Variants in ALOXE3 observed in about 807,000 individuals in gnomAD.
ALOXE3 encodes hydroperoxide isomerase ALOXE3.
A neutral mutation model predicts 87.5 loss-of-function variants in ALOXE3; 78 were observed. The observed-to-expected ratio is 0.89, with a 90% CI of 0.74 to 1.08. The LOEUF (loss-of-function observed/expected upper bound fraction) is 1.08, where lower values mean the gene tolerates loss of function less well. ALOXE3 is among the 50% of genes least tolerant of loss of function. The pLI is 0.00. For missense variants in ALOXE3, 946 were observed against 912.4 expected, an observed-to-expected ratio of 1.04 and a Z score of -0.47; for synonymous variants, 363 against 370.8, an observed-to-expected ratio of 0.98 and a Z score of 0.24.
At chr17:8,118,408 A>C in intron 1 of ALOXE3, 78 bp downstream of exon 1, 1 of 1,551,018 alleles carries the variant, frequency 6.4e-7, no homozygotes, top group African/African-American at 1.4e-5. Flanking sequence ...GATGCCCTGG[A>C]GTGCTTGTCC....
chr17:8,103,241 C>T (rs1979033430), intron 15 of ALOXE3, 82 bp downstream of exon 15: 1 of 1,535,752 alleles, frequency 6.5e-7, no homozygotes, highest in African/African-American at 1.4e-5. Context: ...TCGATCAGTC[C>T]TCAAGCCCCC....
rs991123661 is a variant in ALOXE3 at position 8,096,575 on chromosome 17, G to T, written c.*52C>A. ...AGGGTCTGGAGGACCTGAGGAACTG[G>T]TCCTCCTCATGCTTGGACCTTTCTT... On this transcript the variant is annotated 3_prime_UTR_variant, in exon 16 of 16. Transcript: ENST00000448843. The T allele has an allele frequency of 3.6e-5, 32 of 877,274 alleles. No homozygotes were observed. The highest frequency in any genetic ancestry group is 5.7e-5 in the Non-Finnish European group (29 of 506,896). The allele number at this position is 877,274 out of a possible 1,614,324, so 54.3% of individuals were successfully genotyped here. A position where few individuals can be genotyped will look rare whatever the true frequency, so the allele number is the denominator to read the frequency against.
At chr17:8,099,451 C>T (rs1247959986) in intron 15 of ALOXE3, among the ~76,000 whole-genome samples, 1 of 152,016 alleles carries the variant, frequency 6.6e-6, no homozygotes, top group East Asian at 1.9e-4. Flanking sequence ...CACCTGAGGT[C>T]AGGAGTTCGA....
At chr17:8,109,104 G>A (rs2151837795) in intron 12 of ALOXE3, 70 bp downstream of exon 12, 1 of 1,595,138 alleles carries the variant, frequency 6.3e-7, no homozygotes, top group Non-Finnish European at 8.5e-7. Context: ...GGCGCCATGA[G>A]CGCAGGGACC....
At chr17:8,113,766 C>T (rs900701678) in intron 6 of ALOXE3, among the ~76,000 whole-genome samples, 7 of 151,986 alleles carry the variant, frequency 4.6e-5, no homozygotes, top group Admixed American at 2.6e-4. Flanking sequence ...GTGGCTCATG[C>T]CTGTAATCCC....
chr17:8,105,335 C>T (rs140353822), intron 13 of ALOXE3, among the ~76,000 whole-genome samples: 1 of 142,784 alleles, frequency 7.0e-6, no homozygotes, highest in Non-Finnish European at 1.5e-5. Flanking sequence ...ATCTTCAGAA[C>T]TAGCACCTCT....
chr17:8,118,643 A>G, upstream of ALOXE3: 3 of 1,536,960 alleles, frequency 2.0e-6, no homozygotes, highest in Non-Finnish European at 2.6e-6. Flanking sequence ...CACCCCATAC[A>G]CCGATCCCCC....
chr17:8,107,965 G>GA (rs1491345142), intron 13 of ALOXE3, among the ~76,000 whole-genome samples: 3,272 of 6,282 alleles, frequency 0.52, 1,519 homozygotes, highest in African/African-American at 0.79. Context: ...AAGAAAGGAA[G>GA]GAGAGAGAGA....
intron 15 of ALOXE3, among the ~76,000 whole-genome samples, chr17:8,102,022 C>T (rs1047977830): frequency 1.2e-4 from 19 of 152,188 alleles, no homozygotes; most frequent in African/African-American, 3.6e-4. Context: ...GTGTGCAAGA[C>T]GGCTGGGTGG....
chr17:8,114,641 C>T (rs751123844), intron 5 of ALOXE3, 32 bp from the exon 6 acceptor site: 18 of 1,613,288 alleles, frequency 1.1e-5, no homozygotes, highest in Non-Finnish European at 1.4e-5. Context: ...AGACAGAAAC[C>T]AGTCAGTGGG....
chr17:8,101,840 A>G (rs1322267975), intron 15 of ALOXE3, among the ~76,000 whole-genome samples: 1 of 152,044 alleles, frequency 6.6e-6, no homozygotes, highest in Non-Finnish European at 1.5e-5. Flanking sequence ...GGGTTTCACC[A>G]TGTTTCCTAG....
At position 8,096,596 on chromosome 17, in the gene ALOXE3, T is replaced by G; in HGVS notation, c.*31A>C. On this transcript the variant is annotated 3_prime_UTR_variant, in exon 16 of 16. Coordinates refer to ENST00000448843, the MANE Select transcript of ALOXE3 (RefSeq NM_021628.3). Reference sequence around the variant, plus strand: ...ACTGGTCCTCCTCATGCTTGGACCTTTCTTTCTTCTTGGGTGGTATTTGGG... The same window carrying G: ...ACTGGTCCTCCTCATGCTTGGACCTGTCTTTCTTCTTGGGTGGTATTTGGG... The G allele has an allele frequency of 2.0e-6, 2 of 1,020,794 alleles. No individual in the cohort carries two copies. Among genetic ancestry groups the G allele is most frequent in the East Asian group, 2.4e-5 (1 of 42,218 alleles). The allele number at this position is 1,020,794 out of a possible 1,614,324, so 63.2% of individuals were successfully genotyped here.
At position 8,112,161 on chromosome 17, in the gene ALOXE3, C is replaced by G. The variant is rs141814242; in HGVS notation, c.716G>C (p.Arg239Pro). ...LGMKLRGLLD[R>P]KGSWKKLDDM... is the part of the protein sequence containing the mutation. ...ATCCAGCTTCTTCCAGGAGCCCTTGCGATCCAACAGCCCTCGAAGCTTCAT... is the reference window on the plus strand; with the variant it reads ...ATCCAGCTTCTTCCAGGAGCCCTTGGGATCCAACAGCCCTCGAAGCTTCAT... The change falls in exon 7 of 16, where the codon CGC becomes CCC. Residue 239 changes from arginine (R) to proline (P), a missense_variant. By Grantham distance (103) the Arg-to-Pro change is moderately radical. Coordinates refer to ENST00000448843, the MANE Select transcript of ALOXE3 (RefSeq NM_021628.3). 2 of 1,613,998 alleles carry G rather than the reference C, an allele frequency of 1.2e-6. No homozygotes were observed. The highest frequency in any genetic ancestry group is 1.7e-6 in the Non-Finnish European group (2 of 1,180,014).
Position 8,103,380 on chromosome 17 carries a change from G to A in ALOXE3, c.1899C>T (p.Asn633=). 1 of 1,614,148 alleles carries A rather than the reference G, an allele frequency of 6.2e-7. No homozygotes were observed. The highest frequency in any genetic ancestry group is 1.3e-5 in the African/African-American group (1 of 75,042). ...AGAGGAGGAGGTTGTTACAGCTGATGTTCACTTCAGGGAGGGTGTCTAGGT... is the reference window on the plus strand; with the variant it reads ...AGAGGAGGAGGTTGTTACAGCTGATATTCACTTCAGGGAGGGTGTCTAGGT... ...KTYLDTLPEV[N]ISCNNLLLFW... is the part of the protein sequence containing the mutation. Residue 633 remains asparagine (N), a synonymous_variant, in exon 15 of 16, where the codon AAC becomes AAT. Coordinates refer to ENST00000448843, the MANE Select transcript of ALOXE3 (RefSeq NM_021628.3).
chr17:8,111,261 C>G (rs1980054818), intron 8 of ALOXE3, 98 bp downstream of exon 8: 3 of 1,470,316 alleles, frequency 2.0e-6, no homozygotes, highest in Non-Finnish European at 2.8e-6. Flanking sequence ...TGAAATGCAG[C>G]CCAGGCCATT....
At chr17:8,115,207 T>C (rs972541758) in intron 4 of ALOXE3, 150 bp from the exon 5 acceptor site, 8 of 1,123,358 alleles carry the variant, frequency 7.1e-6, no homozygotes, top group African/African-American at 1.5e-5. Context: ...ATGAAAGCAC[T>C]GGCTTCACAT....
At chr17:8,100,803 C>T (rs894506) in intron 15 of ALOXE3, among the ~76,000 whole-genome samples, 48,558 of 151,792 alleles carry the variant, frequency 0.32, 8,312 homozygotes, top group East Asian at 0.59. Context: ...ATTTCTAAAA[C>T]TGTAGTATAG....
At chr17:8,106,580 C>A (rs539016295) in intron 13 of ALOXE3, among the ~76,000 whole-genome samples, 75 of 152,282 alleles carry the variant, frequency 4.9e-4, no homozygotes, top group African/African-American at 1.8e-3. Flanking sequence ...TCTATAGGAA[C>A]TTTTCCGTAG....
intron 6 of ALOXE3, among the ~76,000 whole-genome samples, chr17:8,112,808 G>T (rs1203125274): frequency 1.3e-5 from 2 of 151,786 alleles, no homozygotes; most frequent in Admixed American, 6.6e-5. Context: ...TTTTAAGATG[G>T]GATCTCCCTG....
Sources: allele counts gnomAD v4.1 joint callset (sites outside exome capture counted in the v4.1 genomes callset), GRCh38; gene constraint gnomAD v4.1.1; transcripts MANE v1.5; gene names NCBI Gene and HGNC (gene_info 2026-07-23, HGNC 2026-07-21).